Variants in SUMF1 observed in about 807,000 individuals in gnomAD.
SUMF1 encodes the protein sulfatase modifying factor 1.
SUMF1 carries 48 observed loss-of-function variants against 47.6 expected under a neutral mutation model. The observed-to-expected ratio is 1.01, with a 90% confidence interval of 0.80 to 1.28. The LOEUF (loss-of-function observed/expected upper bound fraction) is 1.28, where lower values mean the gene tolerates loss of function less well. Ranked by LOEUF, SUMF1 falls within the 50% of genes most tolerant of loss-of-function variation. The pLI is 0.00. For synonymous variants in SUMF1, 230 were observed against 192.1 expected (o/e 1.20, Z -1.63); for missense variants, 571 against 485.4 (o/e 1.18, Z -1.66).
chr3:4,106,588 G>C (rs1163214966), intron 8 of SUMF1, among the ~76,000 whole-genome samples: 3 of 152,026 alleles, frequency 2.0e-5, no homozygotes, highest in African/African-American at 7.2e-5. Flanking sequence ...TAAACAAAGA[G>C]TAAAGTCACT....
chr3:4,072,409 C>T (rs1025095796), intron 8 of SUMF1, among the ~76,000 whole-genome samples: 2 of 152,124 alleles, frequency 1.3e-5, no homozygotes, highest in Non-Finnish European at 2.9e-5. Flanking sequence ...ATTCCAAAAA[C>T]CAAAACGCCC....
chr3:4,413,267 A>T (rs548367800), intron 6 of SUMF1, among the ~76,000 whole-genome samples: 50 of 152,208 alleles, frequency 3.3e-4, no homozygotes, highest in Non-Finnish European at 6.5e-4. Context: ...CAGCCTTCCG[A>T]AGTGCTGGGA....
chr3:4,285,512 T>G (rs1345358843), intron 8 of SUMF1, among the ~76,000 whole-genome samples: 1 of 152,210 alleles, frequency 6.6e-6, no homozygotes, highest in Admixed American at 6.5e-5. Flanking sequence ...TCCTAAACTT[T>G]GACAATGAAA....
intron 8 of SUMF1, among the ~76,000 whole-genome samples, chr3:4,292,871 T>A (rs949290177): frequency 6.6e-6 from 1 of 152,168 alleles, no homozygotes; most frequent in African/African-American, 2.4e-5. Flanking sequence ...TCATCTGCAG[T>A]GAGAAGTGGT....
chr3:4,440,016 G>A (rs1036788790), intron 3 of SUMF1, among the ~76,000 whole-genome samples: 2 of 151,894 alleles, frequency 1.3e-5, no homozygotes, highest in African/African-American at 4.8e-5. Context: ...GGTGGATCAC[G>A]TGAGGTCAGA....
chr3:4,376,330 C>T lies in SUMF1; in HGVS notation c.1014G>A (p.Arg338=), dbSNP rs770332036. 6.2e-7 allele frequency: 1 copy of T among 1,614,080 alleles called. No individual in the cohort carries two copies. The highest frequency in any genetic ancestry group is 8.5e-7 in the Non-Finnish European group (1 of 1,179,982). The part of the protein sequence containing the change: ...VKKGGSYMCH[R]SYCYRYRCAA... ...AAAACAGTTTAGTGACATGACTTAC[C>T]CTATGGCACATGTAGGATCCACCTT... is the stretch of plus-strand genomic sequence containing the variant. Residue 338 remains arginine, a splice_region_variant and synonymous_variant, in exon 8 of 9, where the codon AGG becomes AGA. Transcript: ENST00000272902.
intron 9 of SUMF1, among the ~76,000 whole-genome samples, chr3:4,063,634 A>C (rs1695316384): frequency 6.6e-6 from 1 of 152,146 alleles, no homozygotes; most frequent in Non-Finnish European, 1.5e-5. Context: ...TCCATGCTAG[A>C]GACCTTCTCT....
In SUMF1 at chr3:4,250,102, G is replaced by C. The variant is rs145334657; in HGVS notation, c.1014+126228C>G. On this transcript the variant is annotated intron_variant and NMD_transcript_variant, in intron 8 of 12. Transcript: ENST00000448413. ...AGGACATGAGGCACAAGAATCGCTT[G>C]AACACAGGAGGCAGAGGTTAGTGGA... Among the ~76,000 whole-genome samples, 488 of 151,416 alleles carry C rather than the reference G, an allele frequency of 3.2e-3. 2 individuals carry two copies. Among genetic ancestry groups the C allele is most frequent in the African/African-American group, 0.011 (470 of 41,308 alleles).
chr3:4,201,376 A>G (rs1163016874), intron 8 of SUMF1, among the ~76,000 whole-genome samples: 5 of 152,090 alleles, frequency 3.3e-5, no homozygotes, highest in Non-Finnish European at 5.9e-5. Context: ...GTTCTCATAA[A>G]TAAGTGAGAA....
intron 7 of SUMF1, among the ~76,000 whole-genome samples, chr3:4,406,192 A>G (rs1466288080): frequency 6.6e-6 from 1 of 152,216 alleles, no homozygotes; most frequent in African/African-American, 2.4e-5. Flanking sequence ...AGTGATATAA[A>G]GTTTGCACAT....
At chr3:4,382,029 G>A (rs929614926) in intron 7 of SUMF1, among the ~76,000 whole-genome samples, 4 of 152,060 alleles carry the variant, frequency 2.6e-5, no homozygotes, top group Non-Finnish European at 5.9e-5. Flanking sequence ...CTAGACAACA[G>A]GAATGAGAAA....
At chr3:4,155,067 G>A (rs1404204444) in intron 8 of SUMF1, among the ~76,000 whole-genome samples, 1 of 151,464 alleles carries the variant, frequency 6.6e-6, no homozygotes, top group African/African-American at 2.5e-5. Context: ...TCAAAGGGGT[G>A]CACAGGGTTT....
intron 8 of SUMF1, among the ~76,000 whole-genome samples, chr3:4,107,202 G>A (rs1693178055): frequency 6.6e-6 from 1 of 152,096 alleles, no homozygotes; most frequent in African/African-American, 2.4e-5. Flanking sequence ...ACAGTAAACT[G>A]TCCAGGAGCT....
chr3:4,362,979 C>A (rs1478118193), intron 8 of SUMF1, among the ~76,000 whole-genome samples: 1 of 151,974 alleles, frequency 6.6e-6, no homozygotes, highest in Non-Finnish European at 1.5e-5. Flanking sequence ...TGTGGTATGA[C>A]CACAGTGTAG....
chr3:4,236,746 G>C (rs1696418688), intron 8 of SUMF1, among the ~76,000 whole-genome samples: 1 of 152,086 alleles, frequency 6.6e-6, no homozygotes, highest in Non-Finnish European at 1.5e-5. Flanking sequence ...AACCAACATT[G>C]ATACACCATT....
intron 9 of SUMF1, among the ~76,000 whole-genome samples, chr3:4,046,014 A>G (rs1484122883): frequency 6.6e-6 from 1 of 152,128 alleles, no homozygotes; most frequent in Admixed American, 6.5e-5. Flanking sequence ...TTGCACCACT[A>G]CTGTCCAACC....
chr3:4,400,650 G>T (rs116517047), intron 7 of SUMF1, among the ~76,000 whole-genome samples: 5 of 152,168 alleles, frequency 3.3e-5, no homozygotes, highest in Non-Finnish European at 1.5e-5. Flanking sequence ...TGCTTGCTGT[G>T]TGGTGGGCAC....
chr3:4,208,520 T>C (rs535474824), intron 8 of SUMF1, among the ~76,000 whole-genome samples: 14 of 146,008 alleles, frequency 9.6e-5, no homozygotes, highest in South Asian at 4.3e-4. Context: ...TAACCAGAGA[T>C]AGATATGGTA....
At chr3:4,244,991 C>T (rs1412051014) in intron 8 of SUMF1, among the ~76,000 whole-genome samples, 1 of 151,796 alleles carries the variant, frequency 6.6e-6, no homozygotes, top group East Asian at 1.9e-4. Flanking sequence ...TTAATTTGAT[C>T]TTCAATCACT....
Sources: allele counts gnomAD v4.1 joint callset (sites outside exome capture counted in the v4.1 genomes callset), GRCh38; gene constraint gnomAD v4.1.1; transcripts MANE v1.5; gene names NCBI Gene and HGNC (gene_info 2026-07-23, HGNC 2026-07-21).